FSTL5: variants seen among roughly 807,000 people sequenced by gnomAD.
FSTL5 encodes the protein follistatin-related protein 5.
In FSTL5, 62 loss-of-function variants were observed where a neutral mutation model predicts 89.1. That is an observed-to-expected ratio of 0.70 (90% CI 0.57 to 0.86). The LOEUF (loss-of-function observed/expected upper bound fraction) is 0.86. Ranked by LOEUF, FSTL5 falls within the 40% of genes least tolerant of loss-of-function variation. The pLI, the probability that FSTL5 is intolerant of heterozygous loss-of-function variation, is 0.00. For missense variants in FSTL5, 1,057 were observed against 1,001.6 expected (o/e 1.06, Z -0.75); for synonymous variants, 383 against 346.2 (o/e 1.11, Z -1.18).
chr4:161,754,152 A>G (rs1740497306), intron 6 of FSTL5, among the ~76,000 whole-genome samples: 1 of 151,382 alleles, frequency 6.6e-6, no homozygotes, highest in Non-Finnish European at 1.5e-5. Flanking sequence ...TTAGAATTTT[A>G]GAATCATAGT....
chr4:161,580,546 G>A (rs552415284), intron 8 of FSTL5, among the ~76,000 whole-genome samples: 1 of 152,134 alleles, frequency 6.6e-6, no homozygotes, highest in Non-Finnish European at 1.5e-5. Flanking sequence ...GCATTCATGA[G>A]ATTCATAACT....
At chr4:161,526,762 T>C (rs1373847072) in intron 10 of FSTL5, among the ~76,000 whole-genome samples, 10 of 152,194 alleles carry the variant, frequency 6.6e-5, no homozygotes, top group African/African-American at 9.6e-5. Flanking sequence ...GTTGTAGATA[T>C]GCGGTGTTAT....
At chr4:161,769,775 C>T (rs528643688) in intron 5 of FSTL5, among the ~76,000 whole-genome samples, 2 of 152,012 alleles carry the variant, frequency 1.3e-5, no homozygotes, top group East Asian at 3.9e-4. Context: ...TCACTTTCAA[C>T]ACTGCTTTTC....
intron 2 of FSTL5, among the ~76,000 whole-genome samples, chr4:162,077,353 T>C (rs1729894564): frequency 2.0e-5 from 3 of 151,890 alleles, no homozygotes; most frequent in Admixed American, 2.0e-4. Flanking sequence ...AACTGCATTG[T>C]GTGTCAAGTT....
chr4:162,122,826 T>C (rs1731924039), intron 1 of FSTL5, among the ~76,000 whole-genome samples: 1 of 152,086 alleles, frequency 6.6e-6, no homozygotes, highest in African/African-American at 2.4e-5. Context: ...TACACCTAAG[T>C]TTGCGTAGTG....
chr4:161,660,673 G>A (rs1214451816), intron 6 of FSTL5, among the ~76,000 whole-genome samples: 3 of 151,954 alleles, frequency 2.0e-5, no homozygotes, highest in Non-Finnish European at 4.4e-5. Flanking sequence ...CCATCTATGT[G>A]TCCGTGTGTT....
At chr4:161,652,786 T>C (rs936666056) in intron 7 of FSTL5, among the ~76,000 whole-genome samples, 12 of 152,290 alleles carry the variant, frequency 7.9e-5, no homozygotes, top group African/African-American at 2.6e-4. Context: ...TAGGTGACTA[T>C]ACATTTAATC....
At chr4:161,544,146 A>C (rs982689965) in intron 8 of FSTL5, among the ~76,000 whole-genome samples, 1 of 152,028 alleles carries the variant, frequency 6.6e-6, no homozygotes, top group Non-Finnish European at 1.5e-5. Flanking sequence ...AATTAAAAAA[A>C]ATCAAAAAGA....
intron 4 of FSTL5, among the ~76,000 whole-genome samples, chr4:161,899,936 T>TCA (rs1733297858): frequency 6.6e-6 from 1 of 152,164 alleles, no homozygotes; most frequent in Non-Finnish European, 1.5e-5. Flanking sequence ...GGCTCACTCC[T>TCA]GTAATACCAG....
chr4:161,723,788 C>T (rs543397414), intron 6 of FSTL5, among the ~76,000 whole-genome samples: 5 of 151,998 alleles, frequency 3.3e-5, no homozygotes, highest in East Asian at 1.9e-4. Context: ...AATTGAAGAA[C>T]GAAACCTTAA....
rs367947098 is a variant in FSTL5 at position 161,741,681 on chromosome 4, ATTTTTT to A, written c.727+17724_727+17729del. On this transcript the variant is annotated intron_variant, in intron 6 of 15. Transcript: ENST00000306100. ...GTAAGTGATGGAGTGGAGAAGTATG[ATTTTTT>A]TTTTTTTTTTTTTTTTTGGAGGTGG... is the stretch of plus-strand genomic sequence containing the variant. 1.8e-3 allele frequency among the ~76,000 whole-genome samples: 190 copies of A among 104,670 alleles called. 1 individual carries two copies. Among genetic ancestry groups the A allele is most frequent in the African/African-American group, 5.4e-3 (167 of 30,682 alleles). 68.7% of individuals were successfully genotyped at this position (104,670 alleles called of 152,430 possible).
At chr4:161,835,433 A>C (rs1430140454) in intron 4 of FSTL5, among the ~76,000 whole-genome samples, 1 of 152,126 alleles carries the variant, frequency 6.6e-6, no homozygotes, top group African/African-American at 2.4e-5. Flanking sequence ...TAATGGCAAC[A>C]AAAGCCAAAA....
intron 8 of FSTL5, among the ~76,000 whole-genome samples, chr4:161,586,971 C>A (rs574616743): frequency 1.3e-5 from 2 of 152,086 alleles, no homozygotes; most frequent in South Asian, 2.1e-4. Context: ...TGAATTAAAT[C>A]AAGAATAAAG....
intron 3 of FSTL5, among the ~76,000 whole-genome samples, chr4:161,989,804 G>T (rs113120470): frequency 0.055 from 8,359 of 151,946 alleles, 264 homozygotes; most frequent in Non-Finnish European, 0.077. Context: ...ATTGTAGTGG[G>T]GATTACAGGA....
chr4:161,525,684 C>G (rs912120228), intron 10 of FSTL5, among the ~76,000 whole-genome samples: 1 of 152,104 alleles, frequency 6.6e-6, no homozygotes, highest in East Asian at 1.9e-4. Context: ...TGCTGGCTCT[C>G]AAGGCATAGG....
At chr4:161,813,501 T>C (rs951598069) in intron 4 of FSTL5, among the ~76,000 whole-genome samples, 2 of 152,198 alleles carry the variant, frequency 1.3e-5, no homozygotes, top group Non-Finnish European at 2.9e-5. Flanking sequence ...GAAACGATCA[T>C]GGAAAAGCTG....
Position 161,583,307 on chromosome 4 carries a change from A to G in FSTL5, c.1015+4148T>C, listed in dbSNP as rs2126602298. On this transcript the variant is annotated intron_variant, in intron 8 of 15. Coordinates refer to ENST00000306100, the MANE Select transcript of FSTL5 (RefSeq NM_020116.5). Reference sequence around the variant, plus strand: ...AAAGGTCTACAGAATTTCCACAGCCATTTTGAAGTCACAGGATGAGACTGA... The same window carrying G: ...AAAGGTCTACAGAATTTCCACAGCCGTTTTGAAGTCACAGGATGAGACTGA... Among the ~76,000 whole-genome samples the G allele has an allele frequency of 1.3e-5, 2 of 152,248 alleles. 1 individual carries two copies. Among genetic ancestry groups the G allele is most frequent in the South Asian group, 4.1e-4 (2 of 4,820 alleles).
intron 4 of FSTL5, among the ~76,000 whole-genome samples, chr4:161,802,336 G>A (rs1448507436): frequency 6.6e-6 from 1 of 151,660 alleles, no homozygotes; most frequent in African/African-American, 2.4e-5. Context: ...ATATATGGGG[G>A]TATATGTGTG....
At chr4:161,475,733 G>T (rs2126443423) in intron 13 of FSTL5, among the ~76,000 whole-genome samples, 1 of 151,652 alleles carries the variant, frequency 6.6e-6, no homozygotes, top group Admixed American at 6.6e-5. Context: ...TCTTGTTCAG[G>T]AATACATTCT....
Sources: allele counts gnomAD v4.1 joint callset (sites outside exome capture counted in the v4.1 genomes callset), GRCh38; gene constraint gnomAD v4.1.1; transcripts MANE v1.5; gene names NCBI Gene and HGNC (gene_info 2026-07-23, HGNC 2026-07-21).